The following SH3RF2 variants were observed in gnomAD, a reference collection of about 807,000 sequenced individuals.
The protein encoded by SH3RF2 is SH3 domain containing ring finger 2, also known as E3 ubiquitin-protein ligase SH3RF2.
Under a neutral mutation model 59.0 loss-of-function variants are expected in SH3RF2, and 43 were observed. The observed-to-expected ratio is 0.73, with a 90% CI of 0.57 to 0.94. The LOEUF (loss-of-function observed/expected upper bound fraction) is 0.94, where lower values mean the gene tolerates loss of function less well. SH3RF2 is among the 40% of genes least tolerant of loss of function. The pLI, the probability that SH3RF2 is intolerant of heterozygous loss-of-function variation, is 0.00. For synonymous variants in SH3RF2, 391 were observed against 391.5 expected (o/e 1.00, Z 0.01); for missense variants, 930 against 940.1 (o/e 0.99, Z 0.14).
chr5:146,057,978 ATCTATC>A (rs59031051), intron 8 of SH3RF2, among the ~76,000 whole-genome samples: 8 of 132,588 alleles, frequency 6.0e-5, no homozygotes, highest in African/African-American at 1.7e-4. Context: ...CTATCTATCT[ATCTATC>A]TATATATATA....
At chr5:146,027,573 T>C (rs1360652532) in intron 5 of SH3RF2, among the ~76,000 whole-genome samples, 2 of 152,232 alleles carry the variant, frequency 1.3e-5, no homozygotes, top group African/African-American at 2.4e-5. Flanking sequence ...ATTATTAACA[T>C]ACTTGATTAC....
chr5:145,981,400 G>A (rs568089498), intron 2 of SH3RF2, among the ~76,000 whole-genome samples: 63 of 152,212 alleles, frequency 4.1e-4, no homozygotes, highest in African/African-American at 1.4e-3. Context: ...CACCCAGACA[G>A]TCTCATAATT....
chr5:146,054,115 G>A (rs1762588960), intron 7 of SH3RF2, among the ~76,000 whole-genome samples: 1 of 152,152 alleles, frequency 6.6e-6, no homozygotes, highest in African/African-American at 2.4e-5. Context: ...GTGTCCTGGG[G>A]GTTAATATAT....
intron 2 of SH3RF2, among the ~76,000 whole-genome samples, chr5:145,940,462 A>C (rs191377700): frequency 6.6e-6 from 1 of 152,320 alleles, no homozygotes; most frequent in East Asian, 1.9e-4. Context: ...CATGCATCCC[A>C]CAGTTAAGAG....
chr5:146,029,310 C>T (rs1270815525), intron 5 of SH3RF2, among the ~76,000 whole-genome samples: 1 of 152,184 alleles, frequency 6.6e-6, no homozygotes, highest in Non-Finnish European at 1.5e-5. Flanking sequence ...TTTCCCTGCC[C>T]AAGCAGTGGG....
chr5:145,970,339 T>A (rs1456573220), intron 2 of SH3RF2, among the ~76,000 whole-genome samples: 1 of 152,114 alleles, frequency 6.6e-6, no homozygotes, highest in Non-Finnish European at 1.5e-5. Context: ...ATCCTCATAG[T>A]TTAGCTCCCA....
intron 9 of SH3RF2, among the ~76,000 whole-genome samples, chr5:146,077,695 T>C (rs1763365141): frequency 6.6e-6 from 1 of 152,252 alleles, no homozygotes; most frequent in Admixed American, 6.5e-5. Context: ...ATTTTTTAAT[T>C]GTCCTGTTTT....
chr5:146,030,429 G>A (rs1182393524), intron 5 of SH3RF2, among the ~76,000 whole-genome samples: 1 of 152,118 alleles, frequency 6.6e-6, no homozygotes, highest in Non-Finnish European at 1.5e-5. Flanking sequence ...GTCTGCATTC[G>A]TTTCAAGGAG....
Position 146,013,896 on chromosome 5 carries a change from G to A in SH3RF2, c.894G>A (p.Gln298=), listed in dbSNP as rs1761007461. 10 of 1,614,022 alleles carry A rather than the reference G, an allele frequency of 6.2e-6. No homozygotes were observed. Among genetic ancestry groups the A allele is most frequent in the Non-Finnish European group, 8.5e-6 (10 of 1,180,032 alleles). The change falls in exon 5 of 10, where the codon CAG becomes CAA. Residue 298 remains glutamine (Q), a synonymous_variant. Coordinates refer to ENST00000359120, the MANE Select transcript of SH3RF2 (RefSeq NM_152550.4). ...GPGSRRKVPG[Q]FSITTALNTL... ...GGTCCAGGAGGAAGGTGCCTGGGCA[G>A]TTTTCCATCACAACAGCCTTGAACA...
At chr5:146,041,089 C>G (rs1762109203) in intron 5 of SH3RF2, among the ~76,000 whole-genome samples, 1 of 152,176 alleles carries the variant, frequency 6.6e-6, no homozygotes, top group African/African-American at 2.4e-5. Flanking sequence ...AGCCTAGGGT[C>G]CTTGCTTCTG....
intron 5 of SH3RF2, among the ~76,000 whole-genome samples, chr5:146,045,464 C>T (rs1418432492): frequency 6.6e-6 from 1 of 152,172 alleles, no homozygotes; most frequent in Admixed American, 6.5e-5. Flanking sequence ...AACCTTGTGC[C>T]GTTTAGCTAT....
At chr5:145,967,569 T>C (rs1758904106) in intron 2 of SH3RF2, among the ~76,000 whole-genome samples, 1 of 152,260 alleles carries the variant, frequency 6.6e-6, no homozygotes, top group Non-Finnish European at 1.5e-5. Context: ...GTGCAGGTTC[T>C]TGACCACAAC....
intron 5 of SH3RF2, among the ~76,000 whole-genome samples, chr5:146,045,784 A>G (rs1351888924): frequency 2.0e-5 from 3 of 152,212 alleles, no homozygotes; most frequent in East Asian, 3.8e-4. Flanking sequence ...ATGCTGCTGA[A>G]ACATTTGCCT....
chr5:146,054,711 G>A (rs1464531350), intron 7 of SH3RF2, among the ~76,000 whole-genome samples: 4 of 152,124 alleles, frequency 2.6e-5, no homozygotes, highest in Admixed American at 6.5e-5. Context: ...ACTTATCTTC[G>A]TACAATACTG....
At chr5:146,044,160 T>G (rs1580909722) in intron 5 of SH3RF2, among the ~76,000 whole-genome samples, 1 of 118,262 alleles carries the variant, frequency 8.5e-6, no homozygotes, top group East Asian at 2.4e-4. Context: ...TTTTTTTTTT[T>G]TTGTTTTTAA....
intron 9 of SH3RF2, among the ~76,000 whole-genome samples, chr5:146,076,572 G>A (rs994833042): frequency 3.9e-5 from 6 of 152,194 alleles, no homozygotes; most frequent in Admixed American, 6.5e-5. Context: ...ATGCATCCTC[G>A]TTATCAAGGA....
chr5:145,941,344 T>C (rs1267706776), intron 2 of SH3RF2, among the ~76,000 whole-genome samples: 4 of 152,186 alleles, frequency 2.6e-5, no homozygotes, highest in Non-Finnish European at 2.9e-5. Flanking sequence ...AAAAATTGCC[T>C]ATTGTGCCTA....
chr5:146,004,676 GA>G (rs1760565307), intron 4 of SH3RF2, among the ~76,000 whole-genome samples: 1 of 30,176 alleles, frequency 3.3e-5, no homozygotes, highest in Non-Finnish European at 8.5e-5. Context: ...AATATTTATG[GA>G]GAATAATATG....
At chr5:145,937,779 G>C (rs776018950) in intron 1 of SH3RF2, 44 bp from the exon 2 acceptor site, 3 of 874,976 alleles carry the variant, frequency 3.4e-6, no homozygotes, top group Admixed American at 2.3e-5. Flanking sequence ...ATACCTCTCG[G>C]AGCAGTCACA....
Sources: gnomAD v4.1 joint callset for allele counts (sites outside exome capture counted in the v4.1 genomes callset) on GRCh38, gnomAD v4.1.1 for gene constraint, MANE v1.5 for transcripts, NCBI Gene and HGNC (gene_info 2026-07-23, HGNC 2026-07-21) for gene names.